Variants in ZNF350 observed in about 807,000 individuals in gnomAD.
The protein encoded by ZNF350 is KRAB zinc finger protein ZFQR.
A neutral mutation model predicts 13.1 loss-of-function variants in ZNF350; 5 were observed. The ratio of observed to expected loss-of-function variants is 0.38; its 90% confidence interval spans 0.20 to 0.80. The LOEUF (loss-of-function observed/expected upper bound fraction) is 0.80. Ranked by LOEUF, ZNF350 falls within the 30% of genes least tolerant of loss-of-function variation. ZNF350 has a pLI of 0.43. For synonymous variants in ZNF350, 199 were observed against 224.2 expected (o/e 0.89, Z 1.00); for missense variants, 534 against 644.2 (o/e 0.83, Z 1.85).
chr19:51,966,609 T>C (rs1365426453), intron 4 of ZNF350, among the ~76,000 whole-genome samples: 1 of 151,782 alleles, frequency 6.6e-6, no homozygotes, highest in Non-Finnish European at 1.5e-5. Context: ...TGGAGTGCAG[T>C]GGTACAATCC....
chr19:51,965,202 C>T lies in ZNF350; in HGVS notation c.1251G>A (p.Leu417=), dbSNP rs753058181. ...CGKAFAYMSC[L]VKHKRIHTRE... is the part of the protein sequence containing the mutation. ...TTGTGTGTATTCTCTTATGCTTAAC[C>T]AGACACGACATATACGCAAACGCTT... Residue 417 remains leucine (L), a synonymous_variant, in exon 5 of 5, where the codon CTG becomes CTA. Transcript: ENST00000243644. 6.2e-7 allele frequency: 1 copy of T among 1,614,052 alleles called. No individual in the cohort carries two copies. Among genetic ancestry groups the T allele is most frequent in the African/African-American group, 1.3e-5 (1 of 74,916 alleles).
At chr19:51,967,398 T>C (rs1409822770) in intron 4 of ZNF350, 1 of 151,746 alleles carries the variant, frequency 6.6e-6, no homozygotes, top group Non-Finnish European at 1.5e-5. Context: ...AGCAAGACTC[T>C]GTCTTAAAAA....
At chr19:51,969,484 TG>T (rs2085674878) in intron 2 of ZNF350, among the ~76,000 whole-genome samples, 1 of 152,098 alleles carries the variant, frequency 6.6e-6, no homozygotes, top group Non-Finnish European at 1.5e-5. Context: ...CTTTAGTATC[TG>T]TAGGGTATTG....
intron 1 of ZNF350, chr19:51,981,946 T>A (rs1408939616): frequency 6.6e-6 from 1 of 152,110 alleles, no homozygotes; most frequent in Non-Finnish European, 1.5e-5. Flanking sequence ...AAATGAATCT[T>A]TTATCTGAGG....
chr19:51,966,058 C>T lies in ZNF350; in HGVS notation c.395G>A (p.Arg132His), dbSNP rs377015704. The T allele has an allele frequency of 1.4e-4, 231 of 1,614,028 alleles. No homozygotes were observed. Among genetic ancestry groups the T allele is most frequent in the Non-Finnish European group, 1.9e-4 (223 of 1,180,006 alleles). The change falls in exon 5 of 5, where the codon CGT (arginine) becomes CAT (histidine). Residue 132 changes from arginine to histidine, a missense_variant. Arg to His is a conservative substitution (Grantham distance 29). Coordinates refer to ENST00000243644, the MANE Select transcript of ZNF350 (RefSeq NM_021632.4). ...LGQNHDIFDL[R>H]GKSLKSNLTL... ...TAAATTGGATTTCAAACTTTTTCCACGTAAGTCAAATATATCATGATTTTG... is the reference window on the plus strand; with the variant it reads ...TAAATTGGATTTCAAACTTTTTCCATGTAAGTCAAATATATCATGATTTTG...
chr19:51,974,470 T>A lies in ZNF350; in HGVS notation c.-110A>T, dbSNP rs1229408857. The A allele has an allele frequency of 2.2e-6, 3 of 1,339,854 alleles. No homozygotes were observed. The highest frequency in any genetic ancestry group is 3.2e-6 in the Non-Finnish European group (3 of 947,546). 83.0% of individuals were successfully genotyped at this position (1,339,854 alleles called of 1,614,324 possible). A position where few individuals can be genotyped will look rare whatever the true frequency, so the allele number is the denominator to read the frequency against. On this transcript the variant is annotated 5_prime_UTR_variant, in exon 2 of 5. Coordinates refer to ENST00000243644, the MANE Select transcript of ZNF350 (RefSeq NM_021632.4). Reference sequence around the variant, plus strand: ...CAATCAAGTGTGCCCCAAGAAATGGTGAACCCCAAATCCACTTCCTCCCTC... The same window carrying A: ...CAATCAAGTGTGCCCCAAGAAATGGAGAACCCCAAATCCACTTCCTCCCTC...
At chr19:51,974,567 C>T (rs1479666845) in intron 1 of ZNF350, 36 bp from the exon 2 acceptor site, 11 of 578,712 alleles carry the variant, frequency 1.9e-5, no homozygotes, top group Non-Finnish European at 3.1e-5. Context: ...GTAAGTGGTA[C>T]ATTTTTTCCA....
At chr19:51,982,447 G>A (rs562047585) in intron 1 of ZNF350, among the ~76,000 whole-genome samples, 1 of 152,254 alleles carries the variant, frequency 6.6e-6, no homozygotes, top group South Asian at 2.1e-4. Context: ...ATTTTGTGCA[G>A]TTTCCTCTTT....
chr19:51,981,316 G>A (rs1052454425), intron 1 of ZNF350: 3 of 146,458 alleles, frequency 2.0e-5, no homozygotes, highest in Non-Finnish European at 3.0e-5. Flanking sequence ...TAAAGCTCAG[G>A]GCCCTTGTCC....
rs955972712 is a variant in ZNF350 at position 51,976,872 on chromosome 19, C to T, written c.-171-2341G>A. The stretch of plus-strand genomic sequence containing the variant: ...AGGCTCATCAAAAAGGTCTTAAAGT[C>T]GATTCTTCTGTTTTCTCCACTTGGA... On this transcript the variant is annotated intron_variant, in intron 1 of 4. Coordinates refer to ENST00000243644, the MANE Select transcript of ZNF350 (RefSeq NM_021632.4). This position sits in a 1 kb window ranked among gnomAD's most constrained non-coding sequence, Gnocchi z 4.5. 1.3e-5 allele frequency: 2 copies of T among 152,108 alleles called. No individual in the cohort carries two copies. Among genetic ancestry groups the T allele is most frequent in the Non-Finnish European group, 2.9e-5 (2 of 68,020 alleles). 9.4% of individuals were successfully genotyped at this position (152,108 alleles called of 1,614,324 possible).
At chr19:51,972,402 T>A (rs555036186) in intron 2 of ZNF350, among the ~76,000 whole-genome samples, 1 of 149,100 alleles carries the variant, frequency 6.7e-6, no homozygotes, top group South Asian at 2.1e-4. Context: ...ACCTTTATGA[T>A]CTTTTATCAT....
chr19:51,964,564 C>T lies in ZNF350; in HGVS notation c.*290G>A. 4.7e-6 allele frequency: 2 copies of T among 425,716 alleles called. No individual in the cohort carries two copies. The highest frequency in any genetic ancestry group is 4.2e-6 in the Non-Finnish European group (1 of 237,316). 26.4% of individuals were successfully genotyped at this position (425,716 alleles called of 1,614,324 possible). On this transcript the variant is annotated 3_prime_UTR_variant, in exon 5 of 5. Coordinates refer to ENST00000243644, the MANE Select transcript of ZNF350 (RefSeq NM_021632.4). ...ATGAAGCTTTTCAGTCACTGCAACA[C>T]TCCCGACACCAATTATCTCATCTGT...
chr19:51,968,016 A>G (rs764021088), intron 4 of ZNF350, among the ~76,000 whole-genome samples: 5 of 149,958 alleles, frequency 3.3e-5, no homozygotes, highest in Admixed American at 6.6e-5. Context: ...AATGAAGGCA[A>G]TTTTGAAGAG....
Position 51,976,303 on chromosome 19 carries a change from C to G in ZNF350, c.-171-1772G>C, listed in dbSNP as rs1482277872. 1 of 152,248 alleles carries G rather than the reference C, an allele frequency of 6.6e-6. No individual in the cohort carries two copies. The highest frequency in any genetic ancestry group is 1.5e-5 in the Non-Finnish European group (1 of 68,080). 9.4% of individuals were successfully genotyped at this position (152,248 alleles called of 1,614,324 possible). A position where few individuals can be genotyped will look rare whatever the true frequency, so the allele number is the denominator to read the frequency against. On this transcript the variant is annotated intron_variant, in intron 1 of 4. Transcript: ENST00000243644. The surrounding 1 kb of genome is among the most constrained non-coding windows in gnomAD (Gnocchi z 4.5). ...GCTGTGTAAAGCTCAGGGCCCTTGT[C>G]CCCTAGAGGCAAAGCGCCCCCGATC...
At chr19:51,983,012 A>G (rs2086082443) in intron 1 of ZNF350, among the ~76,000 whole-genome samples, 1 of 152,204 alleles carries the variant, frequency 6.6e-6, no homozygotes, top group African/African-American at 2.4e-5. Flanking sequence ...AGAAAGAGGA[A>G]GACATAAGAA....
chr19:51,985,596 G>A (rs941519623), intron 1 of ZNF350, among the ~76,000 whole-genome samples: 1 of 152,174 alleles, frequency 6.6e-6, no homozygotes, highest in African/African-American at 2.4e-5. Context: ...AGACCAACAA[G>A]GCCTTACTAA....
intron 1 of ZNF350, chr19:51,981,282 G>A (rs2086036041): frequency 7.7e-6 from 1 of 129,144 alleles, no homozygotes; most frequent in Admixed American, 8.1e-5. Flanking sequence ...TATCTCTTTT[G>A]CCTAATAAAT....
chr19:51,970,862 A>G (rs535967042), intron 2 of ZNF350, among the ~76,000 whole-genome samples: 1 of 152,312 alleles, frequency 6.6e-6, no homozygotes, highest in East Asian at 1.9e-4. Flanking sequence ...TCCAAAGACC[A>G]ATGACAGGTT....
rs1568475015 is a variant in ZNF350 at position 51,965,574 on chromosome 19, A to T, written c.879T>A (p.Ser293Arg). The T allele has an allele frequency of 6.2e-7, 1 of 1,614,022 alleles. No homozygotes were observed. Among genetic ancestry groups the T allele is most frequent in the Non-Finnish European group, 8.5e-7 (1 of 1,180,030 alleles). ...THTGEKPYIC[S>R]ECGKGFIQKG... ...TCTGGATGAAGCCTTTTCCACATTC[A>T]CTGCATATATAGGGTTTCTCTCCGG... Residue 293 changes from serine to arginine, a missense_variant, in exon 5 of 5, where the codon AGT (serine) becomes AGA (arginine). Coordinates refer to ENST00000243644, the MANE Select transcript of ZNF350 (RefSeq NM_021632.4).
Sources: allele counts gnomAD v4.1 joint callset (sites outside exome capture counted in the v4.1 genomes callset), GRCh38; gene constraint gnomAD v4.1.1; non-coding constraint Gnocchi (gnomAD v3.1); transcripts MANE v1.5; gene names NCBI Gene and HGNC (gene_info 2026-07-23, HGNC 2026-07-21).